ATP6V0E1: variants seen among roughly 807,000 people sequenced by gnomAD.
The protein encoded by ATP6V0E1 is V-type proton ATPase subunit e 1.
ATP6V0E1 carries 4 observed loss-of-function variants against 11.6 expected under a neutral mutation model. The observed-to-expected ratio is 0.35, with a 90% CI of 0.17 to 0.79. The LOEUF is 0.79. Ranked by LOEUF, ATP6V0E1 falls within the 30% of genes least tolerant of loss-of-function variation. The pLI, the probability that ATP6V0E1 is intolerant of heterozygous loss-of-function variation, is 0.54. For missense variants in ATP6V0E1, 105 were observed against 100.0 expected (o/e 1.05, Z -0.21); for synonymous variants, 36 against 34.8 (o/e 1.04, Z -0.13).
chr5:173,032,506 A>T (rs938795360), intron 3 of ATP6V0E1, among the ~76,000 whole-genome samples: 1 of 151,660 alleles, frequency 6.6e-6, no homozygotes, highest in Non-Finnish European at 1.5e-5. Context: ...GGCCAGGCTG[A>T]TCTCGAACTC....
rs920585185 is a variant in ATP6V0E1, at chr5:173,009,456, C to CTTT, written c.153-10761_153-10759dup. On this transcript the variant is annotated intron_variant, in intron 2 of 3. Coordinates refer to ENST00000519374, the MANE Select transcript of ATP6V0E1 (RefSeq NM_003945.4). ...ACATTCACTCAGGATAGCCACTTCC[C>CTTT]TTTTTTTTTTTTTTTTTTTTTTTGA... Among the ~76,000 whole-genome samples the CTTT allele has an allele frequency of 2.4e-3, 255 of 105,198 alleles. 1 individual carries two copies. The highest frequency in any genetic ancestry group is 4.5e-3 in the African/African-American group (114 of 25,438). The allele number at this position is 105,198 out of a possible 152,430, so 69.0% of individuals were successfully genotyped here.
rs372332112 is a variant in ATP6V0E1, at chr5:172,994,816, A to C, written c.146A>C (p.Tyr49Ser). Residue 49 changes from tyrosine to serine, a missense_variant, in exon 2 of 4, where the codon TAT (tyrosine) becomes TCT (serine). By Grantham distance (144) the Tyr-to-Ser change is moderately radical (BLOSUM62 -2). Transcript: ENST00000519374. ...TMLVTCSVCC[Y>S]LFWLIAILAQ... is the part of the protein sequence containing the mutation. ...TTGGTGACCTGTTCAGTTTGCTGCT[A>C]TCTCTTGTAAGTAATTTTTTCTTAA... 1 of 1,596,666 alleles carries C rather than the reference A, an allele frequency of 6.3e-7. No individual in the cohort carries two copies. Among genetic ancestry groups the C allele is most frequent in the Admixed American group, 1.7e-5 (1 of 57,814 alleles).
At chr5:173,022,050 A>C (rs62385863) in intron 3 of ATP6V0E1, among the ~76,000 whole-genome samples, 4 of 152,170 alleles carry the variant, frequency 2.6e-5, no homozygotes, top group Non-Finnish European at 5.9e-5. Context: ...AAGGAAAATC[A>C]GTCTTAAGGT....
intron 1 of ATP6V0E1, among the ~76,000 whole-genome samples, chr5:172,991,565 G>T (rs1755978137): frequency 6.6e-6 from 1 of 152,088 alleles, no homozygotes; most frequent in Non-Finnish European, 1.5e-5. Flanking sequence ...CCTGCCTTCA[G>T]GAATGAAGGA....
intron 3 of ATP6V0E1, among the ~76,000 whole-genome samples, chr5:173,021,702 C>T (rs557868081): frequency 5.0e-4 from 76 of 152,142 alleles, no homozygotes; most frequent in Admixed American, 2.9e-3. Flanking sequence ...GATCACATTT[C>T]AACATGAGAT....
intron 3 of ATP6V0E1, among the ~76,000 whole-genome samples, chr5:173,023,670 C>T (rs559197245): frequency 6.6e-6 from 1 of 152,216 alleles, no homozygotes; most frequent in African/African-American, 2.4e-5. Flanking sequence ...TATTGTGAAA[C>T]CTTGTCTCTA....
At chr5:172,991,986 TCTTTC>T (rs1235188420) in intron 1 of ATP6V0E1, among the ~76,000 whole-genome samples, 3 of 142,390 alleles carry the variant, frequency 2.1e-5, no homozygotes, top group Admixed American at 7.2e-5. Flanking sequence ...TATTTTTCTT[TCTTTC>T]CTTCTTTCTT....
chr5:173,016,837 C>G (rs1276729821), intron 2 of ATP6V0E1, among the ~76,000 whole-genome samples: 2 of 152,120 alleles, frequency 1.3e-5, no homozygotes, highest in African/African-American at 4.8e-5. Context: ...AACTACAAGT[C>G]TTAGTATTGT....
intron 1 of ATP6V0E1, among the ~76,000 whole-genome samples, chr5:172,987,768 C>T (rs1225797552): frequency 6.6e-6 from 1 of 151,866 alleles, no homozygotes; most frequent in African/African-American, 2.4e-5. Flanking sequence ...GGCTGGAGTG[C>T]AGTGGCTCCA....
intron 2 of ATP6V0E1, among the ~76,000 whole-genome samples, chr5:173,015,973 G>A (rs892365442): frequency 1.3e-5 from 2 of 152,028 alleles, no homozygotes; most frequent in Admixed American, 6.6e-5. Context: ...TGATCCACCC[G>A]CCTTGGCCTC....
chr5:173,023,855 C>CA (rs112338150), intron 3 of ATP6V0E1, among the ~76,000 whole-genome samples: 3,237 of 150,356 alleles, frequency 0.022, 108 homozygotes, highest in African/African-American at 0.074. Flanking sequence ...AAAAAACAAA[C>CA]AAACAAAAAA....
At chr5:172,984,627 T>C (rs1755852766) in intron 1 of ATP6V0E1, among the ~76,000 whole-genome samples, 1 of 152,258 alleles carries the variant, frequency 6.6e-6, no homozygotes, top group Admixed American at 6.5e-5. Context: ...ATTTTGTTTT[T>C]CCAGACTTCT....
At chr5:173,005,192 G>A (rs967253320) in intron 2 of ATP6V0E1, among the ~76,000 whole-genome samples, 54 of 150,926 alleles carry the variant, frequency 3.6e-4, no homozygotes, top group Admixed American at 1.4e-3. Context: ...GATTTTAATT[G>A]GGATTGTGTT....
At chr5:173,028,988 G>C (rs1203556505) in intron 3 of ATP6V0E1, among the ~76,000 whole-genome samples, 1 of 152,242 alleles carries the variant, frequency 6.6e-6, no homozygotes, top group Non-Finnish European at 1.5e-5. Context: ...TTGTTGCCTG[G>C]TAGATGATCT....
intron 2 of ATP6V0E1, among the ~76,000 whole-genome samples, chr5:172,996,141 C>T (rs559774683): frequency 7.9e-5 from 12 of 152,296 alleles, no homozygotes; most frequent in African/African-American, 2.4e-4. Flanking sequence ...GAAACACCCA[C>T]TGCATGCCCG....
intron 1 of ATP6V0E1, among the ~76,000 whole-genome samples, chr5:172,985,232 G>A (rs1166935074): frequency 7.1e-6 from 1 of 141,664 alleles, no homozygotes; most frequent in East Asian, 2.1e-4. Flanking sequence ...GCGACAGAGC[G>A]AGACTCCGTC....
intron 2 of ATP6V0E1, among the ~76,000 whole-genome samples, chr5:172,999,322 C>CT (rs796147425): frequency 1.0e-3 from 149 of 146,986 alleles, no homozygotes; most frequent in Admixed American, 1.4e-3. Flanking sequence ...TGTATTTCCA[C>CT]TTTTTTTTTT....
chr5:173,031,912 AGGTGG>A (rs1561778534), intron 3 of ATP6V0E1, among the ~76,000 whole-genome samples: 1 of 151,834 alleles, frequency 6.6e-6, no homozygotes, highest in Non-Finnish European at 1.5e-5. Context: ...TGGGAGGCTG[AGGTGG>A]GCAGATTGCT....
chr5:173,000,958 C>T (rs1012326905), intron 2 of ATP6V0E1, among the ~76,000 whole-genome samples: 11 of 152,104 alleles, frequency 7.2e-5, no homozygotes, highest in Non-Finnish European at 8.8e-5. Flanking sequence ...ACCTTGGCCT[C>T]CCAAAGTGCT....
Sources: allele counts gnomAD v4.1 joint callset (sites outside exome capture counted in the v4.1 genomes callset), GRCh38; gene constraint gnomAD v4.1.1; transcripts MANE v1.5; gene names NCBI Gene and HGNC (gene_info 2026-07-23, HGNC 2026-07-21).